The following SH3GL2 variants were observed in gnomAD, a reference collection of about 807,000 sequenced individuals.
SH3GL2 encodes the protein endophilin-A1.
A neutral mutation model predicts 46.0 loss-of-function variants in SH3GL2; 24 were observed. That is an observed-to-expected ratio of 0.52 (90% CI 0.38 to 0.73). SH3GL2 has a LOEUF of 0.73. SH3GL2 is among the 30% of genes least tolerant of loss of function. The pLI is 0.00. For missense variants in SH3GL2, 413 were observed against 424.2 expected, an observed-to-expected ratio of 0.97 and a Z score of 0.23; for synonymous variants, 196 against 147.1, an observed-to-expected ratio of 1.33 and a Z score of -2.40.
At chr9:17,782,991 A>G (rs961198307) in intron 3 of SH3GL2, among the ~76,000 whole-genome samples, 1 of 152,140 alleles carries the variant, frequency 6.6e-6, no homozygotes, top group African/African-American at 2.4e-5. Flanking sequence ...GACTCTGGGC[A>G]GTGCAGTTCT....
chr9:17,642,919 G>A (rs891934180), intron 1 of SH3GL2, among the ~76,000 whole-genome samples: 9 of 152,196 alleles, frequency 5.9e-5, no homozygotes, highest in African/African-American at 2.2e-4. Flanking sequence ...TTCTAATTTT[G>A]TGAAGAAAGT....
At chr9:17,633,442 C>T (rs182661205) in intron 1 of SH3GL2, among the ~76,000 whole-genome samples, 4 of 152,240 alleles carry the variant, frequency 2.6e-5, no homozygotes, top group East Asian at 1.9e-4. Context: ...AAGCAAAATA[C>T]GAAATGATCT....
chr9:17,731,008 G>C (rs1157921217), intron 1 of SH3GL2, among the ~76,000 whole-genome samples: 2 of 152,140 alleles, frequency 1.3e-5, no homozygotes, highest in Non-Finnish European at 2.9e-5. Flanking sequence ...AAAACTTTCA[G>C]AGAGAGCCAT....
At chr9:17,739,893 A>G (rs1002758349) in intron 1 of SH3GL2, among the ~76,000 whole-genome samples, 1 of 152,118 alleles carries the variant, frequency 6.6e-6, no homozygotes, top group African/African-American at 2.4e-5. Flanking sequence ...CACACCAGAA[A>G]CAGTTACAGC....
At chr9:17,659,684 T>G (rs74470843) in intron 1 of SH3GL2, among the ~76,000 whole-genome samples, 2,225 of 152,286 alleles carry the variant, frequency 0.015, 31 homozygotes, top group Non-Finnish European at 0.026. Flanking sequence ...ACTGATTATT[T>G]CATCAGATGT....
At chr9:17,739,759 C>T (rs1384625825) in intron 1 of SH3GL2, among the ~76,000 whole-genome samples, 1 of 152,154 alleles carries the variant, frequency 6.6e-6, no homozygotes, top group East Asian at 1.9e-4. Flanking sequence ...CTGCATGATC[C>T]CTCTATTATA....
At chr9:17,732,226 G>C (rs1470101514) in intron 1 of SH3GL2, among the ~76,000 whole-genome samples, 1 of 137,276 alleles carries the variant, frequency 7.3e-6, no homozygotes, top group Non-Finnish European at 1.5e-5. Context: ...CGGAGTTGTT[G>C]CTAATTACTC....
At chr9:17,736,312 A>T (rs1215267786) in intron 1 of SH3GL2, among the ~76,000 whole-genome samples, 1 of 152,102 alleles carries the variant, frequency 6.6e-6, no homozygotes, top group African/African-American at 2.4e-5. Context: ...CTCAGACAGG[A>T]ATCCATCTTT....
intron 1 of SH3GL2, among the ~76,000 whole-genome samples, chr9:17,600,078 C>A (rs1269195214): frequency 6.6e-6 from 1 of 152,044 alleles, no homozygotes; most frequent in East Asian, 1.9e-4. Context: ...GCTTTCCTAG[C>A]CACTGTAGTT....
intron 1 of SH3GL2, among the ~76,000 whole-genome samples, chr9:17,723,475 G>A (rs1821946544): frequency 6.6e-6 from 1 of 152,060 alleles, no homozygotes; most frequent in Non-Finnish European, 1.5e-5. Context: ...TAAATACAGA[G>A]CAGTTCACTG....
chr9:17,686,504 G>A (rs867358471), intron 1 of SH3GL2, among the ~76,000 whole-genome samples: 3 of 146,616 alleles, frequency 2.0e-5, no homozygotes, highest in Non-Finnish European at 4.5e-5. Context: ...GTTTATTGCG[G>A]CATTATCCAC....
Position 17,579,161 on chromosome 9 carries a change from A to G in SH3GL2, c.-82A>G, listed in dbSNP as rs1818223159. 7 of 1,003,748 alleles carry G rather than the reference A, an allele frequency of 7.0e-6. No homozygotes were observed. The South Asian group carries it at 1.2e-4, about 18-fold the overall frequency. 62.2% of individuals were successfully genotyped at this position (1,003,748 alleles called of 1,614,324 possible). On this transcript the variant is annotated 5_prime_UTR_variant, in exon 1 of 9. Transcript: ENST00000380607. Reference sequence around the variant, plus strand: ...CGGCACGACCAGAGGCGGCCAGGGGAGCGCGCCGCCCCGCTCGGCCCTCCA... The same window carrying G: ...CGGCACGACCAGAGGCGGCCAGGGGGGCGCGCCGCCCCGCTCGGCCCTCCA...
chr9:17,644,376 A>C (rs1162817327), intron 1 of SH3GL2, among the ~76,000 whole-genome samples: 1 of 151,342 alleles, frequency 6.6e-6, no homozygotes, highest in East Asian at 1.9e-4. Flanking sequence ...CTAGCTTTTG[A>C]ATTTGTTTGC....
intron 2 of SH3GL2, among the ~76,000 whole-genome samples, chr9:17,747,481 G>A (rs948117036): frequency 6.6e-6 from 1 of 152,028 alleles, no homozygotes; most frequent in African/African-American, 2.4e-5. Flanking sequence ...CATCCCAAAT[G>A]TTTTTGGGAG....
At chr9:17,781,631 C>T (rs186175174) in intron 3 of SH3GL2, among the ~76,000 whole-genome samples, 14 of 152,246 alleles carry the variant, frequency 9.2e-5, no homozygotes, top group Admixed American at 2.6e-4. Context: ...GTAAACACTA[C>T]CAAATTGTTG....
chr9:17,608,405 C>G (rs1224320945), intron 1 of SH3GL2, among the ~76,000 whole-genome samples: 1 of 152,066 alleles, frequency 6.6e-6, no homozygotes, highest in Non-Finnish European at 1.5e-5. Flanking sequence ...CTTGGCCTCC[C>G]AAAGTGTAAA....
chr9:17,786,482 A>G lies in SH3GL2; in HGVS notation c.289A>G (p.Met97Val). 2 of 1,613,552 alleles carry G rather than the reference A, an allele frequency of 1.2e-6. No individual in the cohort carries two copies. Among genetic ancestry groups the G allele is most frequent in the Non-Finnish European group, 1.7e-6 (2 of 1,179,694 alleles). The change falls in exon 4 of 9, where the codon ATG becomes GTG. Residue 97 changes from methionine to valine, a missense_variant. Physicochemically the swap from Met to Val is conservative, Grantham distance 21 (BLOSUM62 1). Around this residue, in one of 3 missense-constraint regions of SH3GL2, gnomAD observed 160 missense variants for 192.3 expected, o/e 0.83. Coordinates refer to ENST00000380607, the MANE Select transcript of SH3GL2 (RefSeq NM_003026.5). ...GGCAGAGGCGCTGCTGGCAGAGGCC[A>G]TGCTCAAATTTGGAAGAGAGCTTGG... The part of the protein sequence containing the change: ...PQAEALLAEA[M>V]LKFGRELGDD...
In SH3GL2 at chr9:17,795,786, T is replaced by G; in HGVS notation, c.*43T>G. 1.3e-6 allele frequency: 2 copies of G among 1,510,020 alleles called. No homozygotes were observed. Among genetic ancestry groups the G allele is most frequent in the Non-Finnish European group, 1.8e-6 (2 of 1,092,172 alleles). 93.5% of individuals were successfully genotyped at this position (1,510,020 alleles called of 1,614,324 possible). On this transcript the variant is annotated 3_prime_UTR_variant, in exon 9 of 9. Transcript: ENST00000380607. Reference sequence around the variant, plus strand: ...CTCGCCTCCTCTTGACCCAGATAGTTACGGTTAACCACTGCTTTGGCAATG... The same window carrying G: ...CTCGCCTCCTCTTGACCCAGATAGTGACGGTTAACCACTGCTTTGGCAATG...
At chr9:17,764,448 G>A (rs1297030193) in intron 3 of SH3GL2, among the ~76,000 whole-genome samples, 3 of 152,192 alleles carry the variant, frequency 2.0e-5, no homozygotes, top group African/African-American at 4.8e-5. Flanking sequence ...TCCCAAACTC[G>A]TGCAGTTTGC....
Sources: allele counts gnomAD v4.1 joint callset (sites outside exome capture counted in the v4.1 genomes callset), GRCh38; gene constraint gnomAD v4.1.1; regional missense constraint gnomAD v4.1.1; transcripts MANE v1.5; gene names NCBI Gene and HGNC (gene_info 2026-07-23, HGNC 2026-07-21).